The following PIK3AP1 variants were observed in gnomAD, a reference collection of about 807,000 sequenced individuals.
PIK3AP1 encodes the protein phosphoinositide-3-kinase adaptor protein 1, also known as phosphoinositide 3-kinase adapter protein 1.
PIK3AP1 carries 21 observed loss-of-function variants against 88.1 expected under a neutral mutation model. The observed-to-expected ratio is 0.24, with a 90% CI of 0.17 to 0.34. PIK3AP1 has a LOEUF of 0.34. Among genes scored for constraint, PIK3AP1 ranks in the 10% least tolerant of loss-of-function variants. PIK3AP1 has a pLI of 1.00. For missense variants in PIK3AP1, 828 were observed against 1,035.7 expected (o/e 0.80, Z 2.75); for synonymous variants, 398 against 400.0 (o/e 1.00, Z 0.06).
intron 8 of PIK3AP1, among the ~76,000 whole-genome samples, chr10:96,639,850 C>G (rs1410657707): frequency 6.6e-6 from 1 of 152,162 alleles, no homozygotes; most frequent in Admixed American, 6.5e-5. Flanking sequence ...ATAAGCAAAC[C>G]AGTAATGTAG....
At chr10:96,647,606 T>G (rs1408197663) in intron 7 of PIK3AP1, among the ~76,000 whole-genome samples, 1 of 152,208 alleles carries the variant, frequency 6.6e-6, no homozygotes, top group Non-Finnish European at 1.5e-5. Context: ...TCACACCATT[T>G]TATTCAAAAC....
chr10:96,674,218 C>T (rs900993107), intron 2 of PIK3AP1, among the ~76,000 whole-genome samples: 1 of 152,204 alleles, frequency 6.6e-6, no homozygotes. Context: ...AAGGCCAAGA[C>T]TCTAAAGATA....
chr10:96,620,608 T>A (rs1403682794), intron 11 of PIK3AP1, 51 bp from the exon 12 acceptor site: 1 of 1,500,150 alleles, frequency 6.7e-7, no homozygotes, highest in Admixed American at 1.7e-5. Flanking sequence ...TGGGGACCAC[T>A]CACCAGAAGT....
chr10:96,612,958 A>G (rs1240750503), intron 13 of PIK3AP1, among the ~76,000 whole-genome samples: 3,406 of 62,762 alleles, frequency 0.054, 155 homozygotes, highest in Admixed American at 0.072. Flanking sequence ...GTGTATATAT[A>G]TATATATATA....
At chr10:96,687,631 A>C (rs1844092400) in intron 2 of PIK3AP1, among the ~76,000 whole-genome samples, 1 of 151,964 alleles carries the variant, frequency 6.6e-6, no homozygotes, top group Admixed American at 6.6e-5. Context: ...TATTTTTCCC[A>C]TTGAATTTCC....
chr10:96,674,541 TTC>T (rs1843890494), intron 2 of PIK3AP1, among the ~76,000 whole-genome samples: 1 of 152,270 alleles, frequency 6.6e-6, no homozygotes, highest in African/African-American at 2.4e-5. Context: ...AGACTGTGAT[TTC>T]TCTGAGAACA....
chr10:96,701,891 T>C (rs1194031228), intron 2 of PIK3AP1, among the ~76,000 whole-genome samples: 1 of 152,192 alleles, frequency 6.6e-6, no homozygotes, highest in Non-Finnish European at 1.5e-5. Flanking sequence ...TTCTTTAACA[T>C]TATGACAAAC....
At chr10:96,645,169 C>A (rs1012671609) in intron 8 of PIK3AP1, among the ~76,000 whole-genome samples, 1 of 151,952 alleles carries the variant, frequency 6.6e-6, no homozygotes, top group African/African-American at 2.4e-5. Flanking sequence ...TAAAAAGGAC[C>A]CCTGGAGACT....
chr10:96,598,135 C>A (rs1158354715), intron 16 of PIK3AP1, among the ~76,000 whole-genome samples: 3 of 151,498 alleles, frequency 2.0e-5, no homozygotes, highest in Non-Finnish European at 2.9e-5. Context: ...CCTCAAACTC[C>A]CAGGCTCAAG....
chr10:96,674,899 G>A (rs532249164), intron 2 of PIK3AP1, among the ~76,000 whole-genome samples: 1 of 152,292 alleles, frequency 6.6e-6, no homozygotes, highest in South Asian at 2.1e-4. Context: ...GTTTTGTTTT[G>A]TTTTGTTTTT....
intron 1 of PIK3AP1, among the ~76,000 whole-genome samples, chr10:96,711,813 C>G (rs888902119): frequency 3.0e-5 from 4 of 134,486 alleles, no homozygotes; most frequent in South Asian, 2.5e-4. Flanking sequence ...CGCAGTGGCA[C>G]GATCTCGGTT....
intron 8 of PIK3AP1, among the ~76,000 whole-genome samples, chr10:96,643,457 ATCAAGGGTGTG>A (rs1214157882): frequency 6.6e-6 from 1 of 152,170 alleles, no homozygotes; most frequent in Non-Finnish European, 1.5e-5. Context: ...CAGGTCCGAA[ATCAAGGGTGTG>A]GATGGTAGCG....
intron 16 of PIK3AP1, among the ~76,000 whole-genome samples, chr10:96,596,926 A>C (rs1164738634): frequency 1.3e-5 from 2 of 152,230 alleles, no homozygotes; most frequent in Admixed American, 6.5e-5. Flanking sequence ...ATATGTACTA[A>C]ATGTCTCTTG....
intron 13 of PIK3AP1, among the ~76,000 whole-genome samples, chr10:96,611,017 G>C (rs1849099465): frequency 1.3e-5 from 2 of 152,178 alleles, no homozygotes; most frequent in Non-Finnish European, 2.9e-5. Flanking sequence ...GACAGGCGTG[G>C]CAGGAAGTTC....
chr10:96,704,208 A>G (rs773956109), intron 2 of PIK3AP1, among the ~76,000 whole-genome samples: 1 of 152,142 alleles, frequency 6.6e-6, no homozygotes, highest in African/African-American at 2.4e-5. Context: ...AGCACCAAAT[A>G]CTGGCCTAAT....
chr10:96,698,388 C>T (rs1326823451), intron 2 of PIK3AP1, among the ~76,000 whole-genome samples: 1 of 152,160 alleles, frequency 6.6e-6, no homozygotes, highest in Non-Finnish European at 1.5e-5. Flanking sequence ...CTGTGGCTCA[C>T]GCCTGTAATT....
chr10:96,685,937 T>C (rs1400943392), intron 2 of PIK3AP1, among the ~76,000 whole-genome samples: 1 of 152,172 alleles, frequency 6.6e-6, no homozygotes, highest in African/African-American at 2.4e-5. Flanking sequence ...GCAGGGCCTG[T>C]CTTTGCTACA....
chr10:96,597,581 T>C (rs2134175349), intron 16 of PIK3AP1, among the ~76,000 whole-genome samples: 1 of 152,162 alleles, frequency 6.6e-6, no homozygotes, highest in Middle Eastern at 3.4e-3. Flanking sequence ...ACATATAGCA[T>C]AGACATTTAT....
intron 2 of PIK3AP1, among the ~76,000 whole-genome samples, chr10:96,682,007 T>TAG (rs1844007875): frequency 8.0e-6 from 1 of 125,020 alleles, no homozygotes; most frequent in African/African-American, 3.9e-5. Flanking sequence ...TATATATATA[T>TAG]ATATATAGAG....
Sources: allele counts gnomAD v4.1 joint callset (sites outside exome capture counted in the v4.1 genomes callset), GRCh38; gene constraint gnomAD v4.1.1; transcripts MANE v1.5; gene names NCBI Gene and HGNC (gene_info 2026-07-23, HGNC 2026-07-21).